The following SLCO1C1 variants were observed in gnomAD, a reference collection of about 807,000 sequenced individuals.
SLCO1C1 encodes OAT-RP-5.
In SLCO1C1, 70 loss-of-function variants were observed where a neutral mutation model predicts 76.4. The ratio of observed to expected loss-of-function variants is 0.92; its 90% confidence interval spans 0.76 to 1.12. SLCO1C1 has a LOEUF of 1.12. Among genes scored for constraint, SLCO1C1 ranks in the 50% most tolerant of loss-of-function variants. SLCO1C1 has a pLI of 0.00. For missense variants in SLCO1C1, 912 were observed against 823.8 expected, an observed-to-expected ratio of 1.11 and a Z score of -1.31; for synonymous variants, 306 against 286.1, an observed-to-expected ratio of 1.07 and a Z score of -0.70.
chr12:20,738,451 A>G (rs1043006998), intron 11 of SLCO1C1, among the ~76,000 whole-genome samples: 10 of 152,252 alleles, frequency 6.6e-5, no homozygotes, highest in Admixed American at 2.0e-4. Flanking sequence ...CTGGATATGA[A>G]TACTTAGGCT....
At chr12:20,709,998 A>G (rs1412257390) in intron 4 of SLCO1C1, among the ~76,000 whole-genome samples, 1 of 151,706 alleles carries the variant, frequency 6.6e-6, no homozygotes, top group African/African-American at 2.4e-5. Flanking sequence ...ATAAAATTAT[A>G]AAACCTGTAA....
intron 9 of SLCO1C1, among the ~76,000 whole-genome samples, chr12:20,727,043 T>A (rs1948042830): frequency 6.6e-6 from 1 of 152,236 alleles, no homozygotes; most frequent in African/African-American, 2.4e-5. Flanking sequence ...CATGATTTCA[T>A]TCTTTCTATG....
rs117188657 is a variant in SLCO1C1 at position 20,702,104 on chromosome 12, T to C, written c.271+645T>C. Among the ~76,000 whole-genome samples the C allele has an allele frequency of 4.3e-4, 65 of 152,050 alleles. No homozygotes were observed. In the East Asian group the frequency reaches 0.012, roughly 27 times the overall value. On this transcript the variant is annotated intron_variant, in intron 3 of 14. Coordinates refer to ENST00000266509, the MANE Select transcript of SLCO1C1 (RefSeq NM_017435.5). The stretch of plus-strand genomic sequence containing the variant: ...AAGAGGATAATCCTAGTTAGTCTGC[T>C]TCCTGAATTGATAAACTAAAAGGCT...
Position 20,715,314 on chromosome 12 carries a change from T to C in SLCO1C1, c.676+29T>C. Reference sequence around the variant, plus strand: ...ATATTGGCATATTGCTTCACTTATCTTCTTGGGAAGCAGGGTGTCTAGTTT... The same window carrying C: ...ATATTGGCATATTGCTTCACTTATCCTCTTGGGAAGCAGGGTGTCTAGTTT... On this transcript the variant is annotated intron_variant, in intron 6 of 14. Transcript: ENST00000266509. 3.1e-6 allele frequency: 5 copies of C among 1,609,150 alleles called. No homozygotes were observed. The South Asian group carries it at 5.6e-5, about 18-fold the overall frequency.
At chr12:20,728,281 C>CA (rs1948121298) in intron 9 of SLCO1C1, among the ~76,000 whole-genome samples, 1 of 151,994 alleles carries the variant, frequency 6.6e-6, no homozygotes, top group Non-Finnish European at 1.5e-5. Flanking sequence ...GTCCTTTTTC[C>CA]ATTTCTTGTT....
At chr12:20,725,324 A>T (rs1304614176) in intron 9 of SLCO1C1, among the ~76,000 whole-genome samples, 1 of 136,896 alleles carries the variant, frequency 7.3e-6, no homozygotes, top group Non-Finnish European at 1.6e-5. Flanking sequence ...ACACTATAAG[A>T]TAGTATTATA....
chr12:20,699,515 A>ATTTG (rs66471232), intron 1 of SLCO1C1, 37 bp from the exon 2 acceptor site: 124,631 of 1,471,266 alleles, frequency 0.085, 8,076 homozygotes, highest in African/African-American at 0.35. Context: ...ATTGCGTAGT[A>ATTTG]TTTATTTATT....
rs769231594 is a variant in SLCO1C1 at position 20,715,197 on chromosome 12, T to C, written c.588T>C (p.Leu196=). The change falls in exon 6 of 15, where the codon CTT becomes CTC. Residue 196 remains leucine (L), a synonymous_variant. Transcript: ENST00000266509. The part of the protein sequence containing the change: ...MWIYVFLGNL[L]RGIGETPIQP... ...TTTATGTTTTCCTGGGCAATCTTCT[T>C]CGTGGAATAGGAGAAACTCCCATTC... The C allele has an allele frequency of 6.2e-7, 1 of 1,614,130 alleles. No homozygotes were observed. Among genetic ancestry groups the C allele is most frequent in the South Asian group, 1.1e-5 (1 of 91,082 alleles).
rs772854324 is a variant in SLCO1C1, at chr12:20,705,930, T to G, written c.272-19T>G. ...TTCTAAGTTCTCTAATTTATGATGT[T>G]TTATTCTTTTCCTCAAAGGGAATCT... On this transcript the variant is annotated intron_variant, in intron 3 of 14. Transcript: ENST00000266509. 1.2e-6 allele frequency: 2 copies of G among 1,611,598 alleles called. No individual in the cohort carries two copies. Among genetic ancestry groups the G allele is most frequent in the Non-Finnish European group, 1.7e-6 (2 of 1,178,386 alleles).
intron 11 of SLCO1C1, among the ~76,000 whole-genome samples, chr12:20,739,190 T>A (rs1260720507): frequency 1.3e-5 from 2 of 152,206 alleles, no homozygotes; most frequent in African/African-American, 2.4e-5. Context: ...CTAAGTTTTA[T>A]CAAATGCCTA....
Position 20,731,733 on chromosome 12 carries a change from C to T in SLCO1C1, c.1187-1176C>T, listed in dbSNP as rs531210966. The stretch of plus-strand genomic sequence containing the variant: ...GCCAGATTGTTCTTCTTTAGAGTTA[C>T]AATTTACAATCCAACAAATGGCACC... On this transcript the variant is annotated intron_variant, in intron 9 of 14. Coordinates refer to ENST00000266509, the MANE Select transcript of SLCO1C1 (RefSeq NM_017435.5). 4.6e-5 allele frequency among the ~76,000 whole-genome samples: 7 copies of T among 152,316 alleles called. No homozygotes were observed. The East Asian group carries it at 9.6e-4, about 21-fold the overall frequency.
intron 5 of SLCO1C1, 89 bp downstream of exon 5, chr12:20,711,599 T>G (rs1396825975): frequency 7.0e-7 from 1 of 1,431,730 alleles, no homozygotes; most frequent in African/African-American, 1.4e-5. Flanking sequence ...TCTATGATTT[T>G]TGCTCCCAAA....
rs973101774 is a variant in SLCO1C1, at chr12:20,723,205, C to T, written c.1137C>T (p.Tyr379=). 1.2e-6 allele frequency: 2 copies of T among 1,614,068 alleles called. No homozygotes were observed. Among genetic ancestry groups the T allele is most frequent in the Non-Finnish European group, 1.7e-6 (2 of 1,180,004 alleles). ...GCATGGTGACGTACAAACCAAAGTA[C>T]ATTGAGCAGCAGTATGGACAGTCAT... is the stretch of plus-strand genomic sequence containing the variant. ...LFGMVTYKPK[Y]IEQQYGQSSS... is the part of the protein sequence containing the mutation. Residue 379 remains tyrosine (Y), a synonymous_variant, in exon 9 of 15, where the codon TAC becomes TAT. Transcript: ENST00000266509.
Position 20,737,093 on chromosome 12 carries a change from A to G in SLCO1C1, c.1383-14A>G, listed in dbSNP as rs1203851378. On this transcript the variant is annotated splice_polypyrimidine_tract_variant and intron_variant, in intron 10 of 14. Transcript: ENST00000266509. ...CTAAGAGGTAATATTTTATATTGTT[A>G]TATTTCTTTTCAGAACCAAACCTGT... The G allele has an allele frequency of 2.0e-6, 3 of 1,494,076 alleles. No homozygotes were observed. Among genetic ancestry groups the G allele is most frequent in the South Asian group, 1.4e-5 (1 of 71,588 alleles). The allele number at this position is 1,494,076 out of a possible 1,614,324, so 92.6% of individuals were successfully genotyped here.
At chr12:20,748,019 C>A (rs1042571273) in intron 13 of SLCO1C1, among the ~76,000 whole-genome samples, 5 of 152,130 alleles carry the variant, frequency 3.3e-5, no homozygotes, top group Non-Finnish European at 5.9e-5. Flanking sequence ...CTAATCAAAA[C>A]CATAATGACT....
intron 5 of SLCO1C1, 75 bp downstream of exon 5, chr12:20,711,585 AG>A (rs1947104309): frequency 6.7e-7 from 1 of 1,498,686 alleles, no homozygotes; most frequent in African/African-American, 1.4e-5. Flanking sequence ...GATGGACAAA[AG>A]TGTCTATGAT....
Position 20,717,189 on chromosome 12 carries a change from T to C in SLCO1C1, c.734T>C (p.Leu245Ser). The change falls in exon 7 of 15, where the codon TTA becomes TCA. Residue 245 changes from leucine to serine, a missense_variant. Coordinates refer to ENST00000266509, the MANE Select transcript of SLCO1C1 (RefSeq NM_017435.5). ...GPIFGFLLGSLCAKLYVDIGF... is the reference protein window; with the variant it reads ...GPIFGFLLGSSCAKLYVDIGF... ...ATCTTTGGTTTCCTGTTAGGCTCAT[T>C]ATGTGCCAAACTATATGTTGACATT... 6.2e-7 allele frequency: 1 copy of C among 1,602,396 alleles called. No homozygotes were observed. The highest frequency in any genetic ancestry group is 8.5e-7 in the Non-Finnish European group (1 of 1,176,248).
At chr12:20,726,333 T>C (rs1200732021) in intron 9 of SLCO1C1, among the ~76,000 whole-genome samples, 1 of 152,038 alleles carries the variant, frequency 6.6e-6, no homozygotes, top group Non-Finnish European at 1.5e-5. Context: ...CACATTTCCT[T>C]TGCTTCTTTG....
At chr12:20,712,359 A>G (rs1947149885) in intron 5 of SLCO1C1, among the ~76,000 whole-genome samples, 1 of 152,180 alleles carries the variant, frequency 6.6e-6, no homozygotes, top group South Asian at 2.1e-4. Context: ...ATGCTGAGCT[A>G]GACTGAAGTA....
Sources: gnomAD v4.1 joint callset for allele counts (sites outside exome capture counted in the v4.1 genomes callset) on GRCh38, gnomAD v4.1.1 for gene constraint, MANE v1.5 for transcripts, NCBI Gene and HGNC (gene_info 2026-07-23, HGNC 2026-07-21) for gene names.